ANO10: variants seen among roughly 807,000 people sequenced by gnomAD.
ANO10 encodes the protein anoctamin 10, also known as anoctamin-10.
ANO10 carries 77 observed loss-of-function variants against 74.7 expected under a neutral mutation model. The ratio of observed to expected loss-of-function variants is 1.03; its 90% CI spans 0.86 to 1.25. ANO10 has a LOEUF of 1.25. Ranked by LOEUF, ANO10 falls within the 50% of genes most tolerant of loss-of-function variation. The pLI is 0.00. For missense variants in ANO10, 721 were observed against 778.1 expected (o/e 0.93, Z 0.87); for synonymous variants, 279 against 284.9 (o/e 0.98, Z 0.21).
intron 12 of ANO10, among the ~76,000 whole-genome samples, chr3:43,417,417 GC>G (rs2092756817): frequency 6.6e-6 from 1 of 152,106 alleles, no homozygotes; most frequent in Admixed American, 6.6e-5. Context: ...CAATCTGTGA[GC>G]CCTACTTAAA....
intron 12 of ANO10, among the ~76,000 whole-genome samples, chr3:43,386,648 C>CGTGTGTGT (rs36065814): frequency 0.024 from 3,413 of 139,940 alleles, 58 homozygotes; most frequent in Admixed American, 0.05. Context: ...TAGGTGTGTA[C>CGTGTGTGT]GTGTGTGTGT....
chr3:43,678,526 T>A (rs2084151584), intron 1 of ANO10, among the ~76,000 whole-genome samples: 1 of 152,214 alleles, frequency 6.6e-6, no homozygotes, highest in African/African-American at 2.4e-5. Context: ...TCCTGTCCTG[T>A]TCCATTCTGA....
chr3:43,387,336 T>A (rs1465795818), intron 12 of ANO10, among the ~76,000 whole-genome samples: 1 of 152,190 alleles, frequency 6.6e-6, no homozygotes, highest in East Asian at 1.9e-4. Flanking sequence ...TGTCCAGCTT[T>A]AAAGTCTCCC....
At chr3:43,467,254 A>G (rs2075666010) in intron 11 of ANO10, among the ~76,000 whole-genome samples, 1 of 152,226 alleles carries the variant, frequency 6.6e-6, no homozygotes, top group Non-Finnish European at 1.5e-5. Flanking sequence ...GTATTTACCC[A>G]AGAGAAATAA....
chr3:43,647,480 G>T (rs920451458), intron 1 of ANO10, among the ~76,000 whole-genome samples: 6 of 151,932 alleles, frequency 3.9e-5, no homozygotes, highest in African/African-American at 1.2e-4. Context: ...GGCCCTCAAC[G>T]GCTTGGGTGA....
rs1237006424 is a variant in ANO10 at position 43,600,432 on chromosome 3, T to C, written c.289A>G (p.Met97Val). 6 of 1,613,978 alleles carry C rather than the reference T, an allele frequency of 3.7e-6. No individual in the cohort carries two copies. Among genetic ancestry groups the C allele is most frequent in the African/African-American group, 2.7e-5 (2 of 74,928 alleles). Residue 97 changes from methionine (M) to valine (V), a missense_variant, in exon 3 of 13, where the codon ATG (methionine) becomes GTG (valine). Physicochemically the swap from Met to Val is conservative, Grantham distance 21. Coordinates refer to ENST00000292246, the MANE Select transcript of ANO10 (RefSeq NM_018075.5). ...GLVKECNDNT[M>V]RAFTYRTRQN... The stretch of plus-strand genomic sequence containing the variant: ...CTGGTTCTGTATGTGAAGGCTCTCA[T>C]GGTGTTATCATTGCACTCTTTTACC...
chr3:43,482,971 A>G (rs1231591561), intron 11 of ANO10, among the ~76,000 whole-genome samples: 1 of 152,208 alleles, frequency 6.6e-6, no homozygotes, highest in African/African-American at 2.4e-5. Flanking sequence ...TGGGTAGGCA[A>G]TCCATGAAAA....
intron 12 of ANO10, among the ~76,000 whole-genome samples, chr3:43,403,146 T>C (rs759407491): frequency 6.6e-6 from 1 of 152,184 alleles, no homozygotes; most frequent in Non-Finnish European, 1.5e-5. Context: ...AAATAATGAG[T>C]GCTCAATGCA....
rs559068006 is a variant in ANO10, at chr3:43,394,011, A to C, written c.1915-27037T>G. Among the ~76,000 whole-genome samples, 3 of 152,308 alleles carry C rather than the reference A, an allele frequency of 2.0e-5. No homozygotes were observed. The East Asian group carries it at 5.8e-4, about 29-fold the overall frequency. ...AGAATGAACACCCCTGGGGGTGGGA[A>C]AAGGCTGTGAACACTCACAGGGTAT... On this transcript the variant is annotated intron_variant, in intron 12 of 12. Transcript: ENST00000292246.
At chr3:43,622,077 G>C (rs919220962), upstream of ANO10, 5 of 152,862 alleles carry the variant, frequency 3.3e-5, no homozygotes, top group African/African-American at 7.2e-5. Flanking sequence ...TCACACGCAG[G>C]GGGGCGGGGC....
At chr3:43,443,679 C>CCTTTTTTTTTTTTTTTTTTTTTTTT (rs373424427) in intron 11 of ANO10, among the ~76,000 whole-genome samples, 1 of 122,034 alleles carries the variant, frequency 8.2e-6, no homozygotes. Flanking sequence ...TTCCTTCCTT[C>CCTTTTTTTTTTTTTTTTTTTTTTTT]TTTTTTTTTT....
Position 43,595,099 on chromosome 3 carries a change from T to C in ANO10, c.472+3433A>G, listed in dbSNP as rs187795436. ...ATCCCTGAATAGACCAATAACAGACTCTGAAATTGAGGCAACAATTAAGAG... is the reference window on the plus strand; with the variant it reads ...ATCCCTGAATAGACCAATAACAGACCCTGAAATTGAGGCAACAATTAAGAG... On this transcript the variant is annotated intron_variant, in intron 4 of 12. Coordinates refer to ENST00000292246, the MANE Select transcript of ANO10 (RefSeq NM_018075.5). Among the ~76,000 whole-genome samples, 83 of 152,086 alleles carry C rather than the reference T, an allele frequency of 5.5e-4. 1 individual carries two copies. In the East Asian group the frequency reaches 0.011, roughly 21 times the overall value.
chr3:43,578,440 C>T (rs2081111971), intron 5 of ANO10, among the ~76,000 whole-genome samples: 1 of 152,074 alleles, frequency 6.6e-6, no homozygotes, highest in Non-Finnish European at 1.5e-5. Context: ...CACTTTCTCC[C>T]CTTACTTTCT....
At chr3:43,393,135 C>T (rs1410760852) in intron 12 of ANO10, among the ~76,000 whole-genome samples, 1 of 152,182 alleles carries the variant, frequency 6.6e-6, no homozygotes, top group African/African-American at 2.4e-5. Context: ...TTTATTCCAG[C>T]CCAGACTTTC....
chr3:43,610,146 C>CT (rs1475042447), intron 1 of ANO10, among the ~76,000 whole-genome samples: 12 of 151,554 alleles, frequency 7.9e-5, no homozygotes, highest in Non-Finnish European at 1.5e-4. Flanking sequence ...ATTTTTTAAA[C>CT]TTTTTTTTAA....
intron 11 of ANO10, among the ~76,000 whole-genome samples, chr3:43,546,660 ACC>A (rs2079205570): frequency 1.3e-5 from 2 of 151,968 alleles, no homozygotes; most frequent in Non-Finnish European, 2.9e-5. Context: ...AAAAAAACAC[ACC>A]TCAGTATATG....
intron 12 of ANO10, among the ~76,000 whole-genome samples, chr3:43,401,414 GA>G (rs146827659): frequency 1.3e-5 from 2 of 152,058 alleles, no homozygotes; most frequent in African/African-American, 4.8e-5. Context: ...AGGCGGGGGG[GA>G]AACGCCATAA....
At chr3:43,682,085 C>T (rs1170841020) in intron 1 of ANO10, among the ~76,000 whole-genome samples, 1 of 151,992 alleles carries the variant, frequency 6.6e-6, no homozygotes, top group South Asian at 2.1e-4. Context: ...TGACCAGAGC[C>T]GAACTGAAGG....
At chr3:43,386,877 C>A (rs1056785819) in intron 12 of ANO10, among the ~76,000 whole-genome samples, 2 of 152,022 alleles carry the variant, frequency 1.3e-5, no homozygotes, top group African/African-American at 4.8e-5. Flanking sequence ...TTCCTAGGGG[C>A]AGGACTGAAG....
Sources: gnomAD v4.1 joint callset for allele counts (sites outside exome capture counted in the v4.1 genomes callset) on GRCh38, gnomAD v4.1.1 for gene constraint, MANE v1.5 for transcripts, NCBI Gene and HGNC (gene_info 2026-07-23, HGNC 2026-07-21) for gene names.